The following PLXNA4 variants were observed in gnomAD, a reference collection of about 807,000 sequenced individuals.
PLXNA4 encodes plexin A4, also known as plexin-A4.
PLXNA4 carries 44 observed loss-of-function variants against 191.8 expected under a neutral mutation model. That is an observed-to-expected ratio of 0.23 (90% CI 0.18 to 0.29). The LOEUF is 0.29. Among genes scored for constraint, PLXNA4 ranks in the 10% least tolerant of loss-of-function variants. The probability of loss-of-function intolerance (pLI) is 1.00; values close to 1 mark genes in which losing one functional copy is unlikely to be tolerated. For missense variants in PLXNA4, 1,800 were observed against 2,488.8 expected (o/e 0.72, Z 5.89); for synonymous variants, 1,082 against 1,009.5 (o/e 1.07, Z -1.36).
intron 30 of PLXNA4, among the ~76,000 whole-genome samples, chr7:132,139,067 A>C (rs1795192893): frequency 1.3e-5 from 2 of 152,314 alleles, no homozygotes; most frequent in African/African-American, 4.8e-5. Flanking sequence ...TGGGAGAGTG[A>C]GCCACTGTCT....
intron 3 of PLXNA4, among the ~76,000 whole-genome samples, chr7:132,435,103 A>G (rs577115001): frequency 6.6e-6 from 1 of 152,050 alleles, no homozygotes; most frequent in East Asian, 1.9e-4. Flanking sequence ...TATCTCTAGG[A>G]CTCGAGCAGG....
At chr7:132,525,384 G>T (rs1198277977) in intron 1 of PLXNA4, among the ~76,000 whole-genome samples, 1 of 152,062 alleles carries the variant, frequency 6.6e-6, no homozygotes, top group African/African-American at 2.4e-5. Flanking sequence ...TGGGTAGCTG[G>T]GACAGCATGC....
At chr7:132,379,959 G>A (rs1279232179) in intron 3 of PLXNA4, among the ~76,000 whole-genome samples, 2 of 152,116 alleles carry the variant, frequency 1.3e-5, no homozygotes, top group African/African-American at 4.8e-5. Flanking sequence ...ATATGTTCTT[G>A]GACTTGCCAC....
chr7:132,229,680 C>T (rs370737480), intron 5 of PLXNA4, among the ~76,000 whole-genome samples: 24 of 151,980 alleles, frequency 1.6e-4, no homozygotes, highest in African/African-American at 5.6e-4. Context: ...AGGAGAGAGC[C>T]CCAGGCAAGG....
intron 3 of PLXNA4, among the ~76,000 whole-genome samples, chr7:132,329,157 A>G (rs1158500385): frequency 6.6e-6 from 1 of 152,204 alleles, no homozygotes; most frequent in African/African-American, 2.4e-5. Flanking sequence ...CTGCTGCCCA[A>G]AGGACACCTT....
intron 3 of PLXNA4, among the ~76,000 whole-genome samples, chr7:132,333,178 C>T (rs1563041231): frequency 6.6e-6 from 1 of 152,212 alleles, no homozygotes; most frequent in East Asian, 1.9e-4. Context: ...CCTGACTCCT[C>T]CCCATCAACT....
intron 4 of PLXNA4, among the ~76,000 whole-genome samples, chr7:132,252,288 G>A (rs542925579): frequency 2.1e-5 from 3 of 143,414 alleles, no homozygotes; most frequent in South Asian, 4.5e-4. Context: ...TAAAATGACA[G>A]CATTCTAAAA....
intron 3 of PLXNA4, among the ~76,000 whole-genome samples, chr7:132,369,973 C>G (rs978595817): frequency 8.6e-5 from 13 of 150,632 alleles, no homozygotes; most frequent in Non-Finnish European, 1.8e-4. Flanking sequence ...GAGGCTGAGG[C>G]AGGAGCATGG....
chr7:132,224,407 G>A (rs976798630), intron 8 of PLXNA4, among the ~76,000 whole-genome samples: 17 of 152,092 alleles, frequency 1.1e-4, no homozygotes, highest in Non-Finnish European at 5.9e-5. Flanking sequence ...CTTCTCCCGT[G>A]AATCTCTTGG....
Position 132,182,196 on chromosome 7 carries a change from C to T in PLXNA4, c.3159-6G>A. The T allele has an allele frequency of 6.2e-7, 1 of 1,613,768 alleles. No homozygotes were observed. Among genetic ancestry groups the T allele is most frequent in the Non-Finnish European group, 8.5e-7 (1 of 1,179,884 alleles). Reference sequence around the variant, plus strand: ...CGGCGATGGGTGTGTTTCCACTGAGCAGGAAGAAAGAAGGAGATGTGTAAA... The same window carrying T: ...CGGCGATGGGTGTGTTTCCACTGAGTAGGAAGAAAGAAGGAGATGTGTAAA... On this transcript the variant is annotated splice_polypyrimidine_tract_variant and splice_region_variant and intron_variant, in intron 16 of 31. Coordinates refer to ENST00000321063, the MANE Select transcript of PLXNA4 (RefSeq NM_020911.2).
chr7:132,229,526 G>T (rs1272158379), intron 5 of PLXNA4, among the ~76,000 whole-genome samples: 2 of 152,192 alleles, frequency 1.3e-5, no homozygotes, highest in Admixed American at 1.3e-4. Flanking sequence ...TTCTGTTGTG[G>T]GGTGGGGGCA....
At chr7:132,634,162 G>T (rs1803547560) in intron 2 of PLXNA4, among the ~76,000 whole-genome samples, 1 of 152,176 alleles carries the variant, frequency 6.6e-6, no homozygotes, top group Non-Finnish European at 1.5e-5. Flanking sequence ...TCCTTGGAAT[G>T]CAGGGCACAC....
chr7:132,180,598 C>T lies in PLXNA4; in HGVS notation c.3627G>A (p.Arg1209=). The T allele has an allele frequency of 6.2e-7, 1 of 1,614,162 alleles. No individual in the cohort carries two copies. Among genetic ancestry groups the T allele is most frequent in the Non-Finnish European group, 8.5e-7 (1 of 1,180,020 alleles). The change falls in exon 19 of 32, where the codon AGG becomes AGA. Residue 1209 remains arginine (R), a synonymous_variant. Transcript: ENST00000321063. ...CTGCCAGCCTCACCATCACTTTGTG[C>T]CTGCCGATGAGGTTGGGGGACTCGC... is the stretch of plus-strand genomic sequence containing the variant. The part of the protein sequence containing the change: ...LLCESPNLIG[R]HKVMARVGGM...
chr7:132,276,751 T>C (rs1427173743), intron 4 of PLXNA4, among the ~76,000 whole-genome samples: 1 of 152,198 alleles, frequency 6.6e-6, no homozygotes, highest in African/African-American at 2.4e-5. Flanking sequence ...ACTGATTATT[T>C]ATCAAAGAAA....
intron 1 of PLXNA4, among the ~76,000 whole-genome samples, chr7:132,546,550 G>A (rs1375150901): frequency 6.6e-6 from 1 of 152,200 alleles, no homozygotes; most frequent in East Asian, 1.9e-4. Context: ...GACACTCACT[G>A]AGACTCAGGA....
At chr7:132,420,640 A>C (rs1378707842) in intron 3 of PLXNA4, among the ~76,000 whole-genome samples, 1 of 152,196 alleles carries the variant, frequency 6.6e-6, no homozygotes, top group Non-Finnish European at 1.5e-5. Flanking sequence ...GGTGTTAAGA[A>C]CATTCCCATT....
intron 4 of PLXNA4, among the ~76,000 whole-genome samples, chr7:132,286,190 C>T (rs55917236): frequency 0.036 from 5,530 of 152,286 alleles, 118 homozygotes; most frequent in African/African-American, 0.048. Context: ...GCTTCCAGAA[C>T]AAGGCCTTCC....
intron 3 of PLXNA4, chr7:132,368,033 G>A (rs1214705008): frequency 6.6e-6 from 1 of 152,174 alleles, no homozygotes; most frequent in Non-Finnish European, 1.5e-5. Context: ...AGAGATCACA[G>A]GGGGTGTAGA....
chr7:132,172,084 A>G (rs930587030), intron 21 of PLXNA4, among the ~76,000 whole-genome samples: 3 of 152,128 alleles, frequency 2.0e-5, no homozygotes, highest in Non-Finnish European at 4.4e-5. Context: ...GATGGAAGTG[A>G]AGTGTCTTGG....
Sources: gnomAD v4.1 joint callset for allele counts (sites outside exome capture counted in the v4.1 genomes callset) on GRCh38, gnomAD v4.1.1 for gene constraint, MANE v1.5 for transcripts, NCBI Gene and HGNC (gene_info 2026-07-23, HGNC 2026-07-21) for gene names.